Variants in MX2 observed in about 807,000 individuals in gnomAD.
MX2 encodes interferon-induced GTP-binding protein Mx2.
MX2 carries 51 observed loss-of-function variants against 74.0 expected under a neutral mutation model. The ratio of observed to expected loss-of-function variants is 0.69; its 90% CI spans 0.55 to 0.87. MX2 has a LOEUF of 0.87. MX2 is among the 40% of genes least tolerant of loss of function. The pLI is 0.00. For synonymous variants in MX2, 369 were observed against 339.3 expected (o/e 1.09, Z -0.96); for missense variants, 832 against 908.7 (o/e 0.92, Z 1.09).
At position 41,408,781 on chromosome 21, in the gene MX2, A is replaced by G. The variant is rs1480352186; in HGVS notation, c.*548A>G. 6.6e-6 allele frequency: 1 copy of G among 152,552 alleles called. No homozygotes were observed. Among genetic ancestry groups the G allele is most frequent in the Non-Finnish European group, 1.5e-5 (1 of 68,426 alleles). The allele number at this position is 152,552 out of a possible 1,614,324, so 9.4% of individuals were successfully genotyped here. On this transcript the variant is annotated 3_prime_UTR_variant, in exon 14 of 14. Transcript: ENST00000330714. ...CCAGTGGCCATGCCCCCTGCTTCCC[A>G]TGGTTCACTGTCATTGTGTTTCCCA...
intron 1 of MX2, among the ~76,000 whole-genome samples, chr21:41,376,175 A>G (rs1172053799): frequency 6.6e-6 from 1 of 152,014 alleles, no homozygotes; most frequent in Non-Finnish European, 1.5e-5. Context: ...CTGCACACCT[A>G]ATGGTTCTCC....
rs549835688 is a variant in MX2 at position 41,376,030 on chromosome 21, C to A, written c.-71-806C>A. ...GTATGTCTCAGCATGGTGCTGCCCT[C>A]ATCTGAGTGCAGGCCACAGCCTGAG... On this transcript the variant is annotated intron_variant, in intron 1 of 13. Transcript: ENST00000330714. Among the ~76,000 whole-genome samples, 189 of 152,344 alleles carry A rather than the reference C, an allele frequency of 1.2e-3. 3 individuals are homozygous for A. In the South Asian group the frequency reaches 0.037, roughly 30 times the overall value.
chr21:41,367,577 C>A (rs2089278713), intron 1 of MX2, among the ~76,000 whole-genome samples: 1 of 152,170 alleles, frequency 6.6e-6, no homozygotes, highest in South Asian at 2.1e-4. Context: ...GAAGGAGGGA[C>A]TTTCCAAGCT....
At chr21:41,376,336 C>T (rs1478600953) in intron 1 of MX2, among the ~76,000 whole-genome samples, 1 of 152,124 alleles carries the variant, frequency 6.6e-6, no homozygotes, top group Non-Finnish European at 1.5e-5. Context: ...GAGTTTGAGA[C>T]CAGCCTGAGC....
At chr21:41,395,256 A>G (rs1262298070) in intron 6 of MX2, among the ~76,000 whole-genome samples, 1 of 44,558 alleles carries the variant, frequency 2.2e-5, no homozygotes, top group Non-Finnish European at 7.5e-5. Context: ...TCAGTAGGGA[A>G]CAAGGCATTT....
rs1311042480 is a variant in MX2 at position 41,388,583 on chromosome 21, T to C, written c.733-1982T>C. 6.6e-6 allele frequency among the ~76,000 whole-genome samples: 1 copy of C among 152,222 alleles called. No individual in the cohort carries two copies. Among genetic ancestry groups the C allele is most frequent in the East Asian group, 1.9e-4 (1 of 5,184 alleles). On this transcript the variant is annotated intron_variant, in intron 5 of 13. Transcript: ENST00000330714. The surrounding 1 kb of genome is among the most constrained non-coding windows in gnomAD (Gnocchi z 4.0). ...TTATTGCCTGTCTCCCCTCCTGGGCTGTAAGGCTCTGGGGGCGTATGCTCA... is the reference window on the plus strand; with the variant it reads ...TTATTGCCTGTCTCCCCTCCTGGGCCGTAAGGCTCTGGGGGCGTATGCTCA...
chr21:41,375,003 A>G (rs919119699), intron 1 of MX2, among the ~76,000 whole-genome samples: 2 of 152,090 alleles, frequency 1.3e-5, no homozygotes, highest in Non-Finnish European at 2.9e-5. Context: ...CACCAGTCAC[A>G]CTGACCATCT....
chr21:41,406,582 G>T (rs753054220), intron 12 of MX2, among the ~76,000 whole-genome samples, 162 bp from the exon 13 acceptor site: 30 of 152,190 alleles, frequency 2.0e-4, no homozygotes, highest in Non-Finnish European at 3.7e-4. Flanking sequence ...GACAGAAAGG[G>T]CGAAGTGGGA....
At chr21:41,400,601 G>A (rs457074) in intron 10 of MX2, among the ~76,000 whole-genome samples, 137,081 of 152,066 alleles carry the variant, frequency 0.9, 61,884 homozygotes, top group East Asian at 0.97. Context: ...ACATGGCTAG[G>A]GAGACCTCAG....
Position 41,363,519 on chromosome 21 carries a change from AAT to A in MX2, c.-72+1471_-72+1472del, listed in dbSNP as rs1181913647. On this transcript the variant is annotated intron_variant, in intron 1 of 13. Transcript: ENST00000330714. The surrounding 1 kb of genome is among the most constrained non-coding windows in gnomAD (Gnocchi z 4.2). Reference sequence around the variant, plus strand: ...TATGTATCTCAAGGACTTAGTGCTCAATATATATCTTTGAGTGGGTGAAAAAC... The same window carrying A: ...TATGTATCTCAAGGACTTAGTGCTCAATATATCTTTGAGTGGGTGAAAAAC... 1 of 152,696 alleles carries A rather than the reference AAT, an allele frequency of 6.5e-6. No homozygotes were observed. Among genetic ancestry groups the A allele is most frequent in the Non-Finnish European group, 1.5e-5 (1 of 68,082 alleles). 9.5% of individuals were successfully genotyped at this position (152,696 alleles called of 1,614,324 possible).
At chr21:41,371,042 C>CA (rs1176617026) in intron 1 of MX2, among the ~76,000 whole-genome samples, 2 of 152,050 alleles carry the variant, frequency 1.3e-5, no homozygotes, top group African/African-American at 4.8e-5. Flanking sequence ...AGGAAGAAGA[C>CA]AAAAACAAGT....
At chr21:41,375,869 T>G (rs574979914) in intron 1 of MX2, among the ~76,000 whole-genome samples, 2 of 152,176 alleles carry the variant, frequency 1.3e-5, no homozygotes, top group Admixed American at 6.5e-5. Context: ...ATCCAGAGTG[T>G]GGGGGGCTCC....
chr21:41,398,784 C>G, intron 8 of MX2, 113 bp from the exon 9 acceptor site: 1 of 1,466,130 alleles, frequency 6.8e-7, no homozygotes. Flanking sequence ...GCAGGTGGGT[C>G]AAAAATTCCA....
intron 1 of MX2, among the ~76,000 whole-genome samples, chr21:41,372,045 A>G (rs1198304222): frequency 1.3e-5 from 2 of 152,256 alleles, no homozygotes; most frequent in Admixed American, 6.5e-5. Flanking sequence ...AGGACCCTCC[A>G]GGACAGTAAG....
chr21:41,373,357 C>G (rs938301713), intron 1 of MX2, among the ~76,000 whole-genome samples: 1 of 152,198 alleles, frequency 6.6e-6, no homozygotes, highest in East Asian at 1.9e-4. Context: ...GTCACCAATG[C>G]ATGATGTGAC....
At position 41,380,011 on chromosome 21, in the gene MX2, G is replaced by C; in HGVS notation, c.443-6G>C. On this transcript the variant is annotated splice_region_variant and splice_polypyrimidine_tract_variant and intron_variant, in intron 3 of 13. Coordinates refer to ENST00000330714, the MANE Select transcript of MX2 (RefSeq NM_002463.2). The surrounding 1 kb of genome is among the most constrained non-coding windows in gnomAD (Gnocchi z 4.3). ...ACTGAGGATATTTGGGGAACCTCTC[G>C]CTCAGGAATCGTAACCAGGTGTCCG... 6.2e-7 allele frequency: 1 copy of C among 1,613,638 alleles called. No individual in the cohort carries two copies. The highest frequency in any genetic ancestry group is 1.3e-5 in the African/African-American group (1 of 74,994).
rs2089821423 is a variant in MX2, at chr21:41,402,048, A to C, written c.1493A>C (p.Tyr498Ser). Reference protein sequence around the residue: ...RGKELLGFVNYKTFEIIVHQY... With the variant: ...RGKELLGFVNSKTFEIIVHQY... ...AAGGAGCTTCTGGGATTTGTCAACT[A>C]CAAGACATTTGAGATCATCGTGCAT... The change falls in exon 11 of 14, where the codon TAC (tyrosine) becomes TCC (serine). Residue 498 changes from tyrosine to serine, a missense_variant. Coordinates refer to ENST00000330714, the MANE Select transcript of MX2 (RefSeq NM_002463.2). This position sits in a 1 kb window ranked among gnomAD's most constrained non-coding sequence, Gnocchi z 4.5. 2 of 1,614,212 alleles carry C rather than the reference A, an allele frequency of 1.2e-6. No individual in the cohort carries two copies. Among genetic ancestry groups the C allele is most frequent in the Non-Finnish European group, 1.7e-6 (2 of 1,180,040 alleles).
chr21:41,402,241 T>C lies in MX2; in HGVS notation c.1573+113T>C. The C allele has an allele frequency of 8.0e-7, 1 of 1,248,664 alleles. No homozygotes were observed. Among genetic ancestry groups the C allele is most frequent in the South Asian group, 1.5e-5 (1 of 65,890 alleles). The allele number at this position is 1,248,664 out of a possible 1,614,324, so 77.3% of individuals were successfully genotyped here. A position where few individuals can be genotyped will look rare whatever the true frequency, so the allele number is the denominator to read the frequency against. On this transcript the variant is annotated intron_variant, in intron 11 of 13. Transcript: ENST00000330714. This position sits in a 1 kb window ranked among gnomAD's most constrained non-coding sequence, Gnocchi z 4.5. ...TTACCAAACCAGCCTGCAGACACGC[T>C]CACTGGTGTGCTAGATTGCTACTCT...
rs922246987 is a variant in MX2, at chr21:41,402,570, G to A, written c.1573+442G>A. On this transcript the variant is annotated intron_variant, in intron 11 of 13. Transcript: ENST00000330714. This position sits in a 1 kb window ranked among gnomAD's most constrained non-coding sequence, Gnocchi z 4.5. ...GGCACCAGAGACTGCTTTCATGGAA[G>A]ACAATTTTTCCACAGACCAGTGAGG... 3 of 168,218 alleles carry A rather than the reference G, an allele frequency of 1.8e-5. No homozygotes were observed. Among genetic ancestry groups the A allele is most frequent in the African/African-American group, 7.1e-5 (3 of 41,976 alleles). 10.4% of individuals were successfully genotyped at this position (168,218 alleles called of 1,614,324 possible). A position where few individuals can be genotyped will look rare whatever the true frequency, so the allele number is the denominator to read the frequency against.
Sources: gnomAD v4.1 joint callset for allele counts (sites outside exome capture counted in the v4.1 genomes callset) on GRCh38, gnomAD v4.1.1 for gene constraint, Gnocchi (gnomAD v3.1) non-coding constraint, MANE v1.5 for transcripts, NCBI Gene and HGNC (gene_info 2026-07-23, HGNC 2026-07-21) for gene names.